Variants in FCMR observed in about 807,000 individuals in gnomAD.
FCMR encodes immunoglobulin mu Fc receptor.
In FCMR, 34 loss-of-function variants were observed where a neutral mutation model predicts 41.6. That is an observed-to-expected ratio of 0.82 (90% CI 0.62 to 1.09). The LOEUF (loss-of-function observed/expected upper bound fraction) is 1.09, where lower values mean the gene tolerates loss of function less well. Among genes scored for constraint, FCMR ranks in the 50% least tolerant of loss-of-function variants. The pLI is 0.00. For missense variants in FCMR, 496 were observed against 512.5 expected, an observed-to-expected ratio of 0.97 and a Z score of 0.31; for synonymous variants, 209 against 211.8, an observed-to-expected ratio of 0.99 and a Z score of 0.12.
At chr1:206,916,825 A>C (rs1014132807) in intron 1 of FCMR, among the ~76,000 whole-genome samples, 1 of 152,208 alleles carries the variant, frequency 6.6e-6, no homozygotes, top group African/African-American at 2.4e-5. Context: ...GTTCTTAGGA[A>C]AGGTGATTAC....
At chr1:206,915,080 CCATT>C (rs1352964142) in intron 1 of FCMR, among the ~76,000 whole-genome samples, 1 of 152,218 alleles carries the variant, frequency 6.6e-6, no homozygotes, top group African/African-American at 2.4e-5. Flanking sequence ...ATCCATCTAG[CCATT>C]CATCCACAGC....
At chr1:206,907,960 A>T (rs1572617739) in intron 7 of FCMR, 1 of 1,444,964 alleles carries the variant, frequency 6.9e-7, no homozygotes, top group East Asian at 2.3e-5. Flanking sequence ...CTACGACAAG[A>T]AAAAGCGGAT....
intron 1 of FCMR, among the ~76,000 whole-genome samples, chr1:206,917,360 A>C (rs1211263493): frequency 6.6e-6 from 1 of 151,940 alleles, no homozygotes; most frequent in Non-Finnish European, 1.5e-5. Flanking sequence ...TTTTTTTTTG[A>C]AGGATGAGAA....
chr1:206,912,963 A>C lies in FCMR; in HGVS notation c.453T>G (p.Pro151=), dbSNP rs1679008799. The change falls in exon 3 of 8, where the codon CCT becomes CCG. Residue 151 remains proline (P), a synonymous_variant. Transcript: ENST00000367091. ...WFHLPYLFQM[P]AYASSSKFVT... Reference sequence around the variant, plus strand: ...CGAATTTGGAAGAACTGGCATATGCAGGCATCTGGAACAAATAGGGCAGAT... The same window carrying C: ...CGAATTTGGAAGAACTGGCATATGCCGGCATCTGGAACAAATAGGGCAGAT... The C allele has an allele frequency of 1.2e-6, 2 of 1,613,574 alleles. No homozygotes were observed. The highest frequency in any genetic ancestry group is 1.7e-6 in the Non-Finnish European group (2 of 1,179,472).
rs779201842 is a variant in FCMR, at chr1:206,905,000, G to C, written c.*19C>G. 1.9e-6 allele frequency: 3 copies of C among 1,613,424 alleles called. No homozygotes were observed. The highest frequency in any genetic ancestry group is 2.5e-6 in the Non-Finnish European group (3 of 1,179,736). On this transcript the variant is annotated 3_prime_UTR_variant, in exon 8 of 8. Transcript: ENST00000367091. ...GCACCACAGTCCGAGCCTGGGGTTG[G>C]GGGATAGCTGGGGAGTTGTCAGGCA...
chr1:206,910,225 C>T lies in FCMR; in HGVS notation c.826G>A (p.Val276Ile). 6.2e-7 allele frequency: 1 copy of T among 1,602,068 alleles called. No individual in the cohort carries two copies. The change falls in exon 5 of 8, where the codon GTT becomes ATT. Residue 276 changes from valine (V) to isoleucine (I), a missense_variant. Val to Ile is a conservative substitution (Grantham distance 29, BLOSUM62 3). Coordinates refer to ENST00000367091, the MANE Select transcript of FCMR (RefSeq NM_005449.5). ...AGCCGCTCACCTTTCCTCCTTTCAACGGCCCTTTTCACCACCAGCCCCAGA... is the reference window on the plus strand; with the variant it reads ...AGCCGCTCACCTTTCCTCCTTTCAATGGCCCTTTTCACCACCAGCCCCAGA... ...ALLGLVVKRAVERRKALSRRA... is the reference protein window; with the variant it reads ...ALLGLVVKRAIERRKALSRRA...
At position 206,905,132 on chromosome 1, in the gene FCMR, A is replaced by T; in HGVS notation, c.1060T>A (p.Trp354Arg). 1 of 1,614,122 alleles carries T rather than the reference A, an allele frequency of 6.2e-7. No individual in the cohort carries two copies. The highest frequency in any genetic ancestry group is 1.1e-5 in the South Asian group (1 of 91,084). ...PAPLQVSESP[W>R]LHAPSLKTSC... Reference sequence around the variant, plus strand: ...GTCTTCAGAGATGGGGCATGGAGCCAGGGAGATTCAGACACCTGGGGACAA... The same window carrying T: ...GTCTTCAGAGATGGGGCATGGAGCCTGGGAGATTCAGACACCTGGGGACAA... The change falls in exon 8 of 8, where the codon TGG (tryptophan) becomes AGG (arginine). Residue 354 changes from tryptophan (W) to arginine (R), a missense_variant. Coordinates refer to ENST00000367091, the MANE Select transcript of FCMR (RefSeq NM_005449.5).
At position 206,910,193 on chromosome 1, in the gene FCMR, G is replaced by C. The variant is rs747574362; in HGVS notation, c.841+17C>G. ...TTTGGGCAGCTCAGCTCTCCCTACC[G>C]AAGCCCAGCCGCTCACCTTTCCTCC... On this transcript the variant is annotated intron_variant, in intron 5 of 7. Coordinates refer to ENST00000367091, the MANE Select transcript of FCMR (RefSeq NM_005449.5). 8 of 1,585,932 alleles carry C rather than the reference G, an allele frequency of 5.0e-6. No homozygotes were observed. Among genetic ancestry groups the C allele is most frequent in the Middle Eastern group, 1.9e-4 (1 of 5,314 alleles).
At chr1:206,905,716 G>A (rs1306987479) in intron 7 of FCMR, among the ~76,000 whole-genome samples, 1 of 152,206 alleles carries the variant, frequency 6.6e-6, no homozygotes, top group Non-Finnish European at 1.5e-5. Flanking sequence ...GACTGTGCCA[G>A]TGACCCCAAC....
chr1:206,921,507 G>A (rs1421180659), intron 1 of FCMR: 8 of 465,396 alleles, frequency 1.7e-5, no homozygotes, highest in African/African-American at 1.2e-4. Flanking sequence ...AGTCTGGGGT[G>A]GTAGGATCAC....
chr1:206,921,770 A>T (rs372208063), intron 1 of FCMR, 48 bp downstream of exon 1: 67 of 1,567,484 alleles, frequency 4.3e-5, no homozygotes, highest in Non-Finnish European at 5.4e-5. Flanking sequence ...ACTTGTGGCC[A>T]ATTCAAGCCT....
intron 1 of FCMR, among the ~76,000 whole-genome samples, chr1:206,914,310 T>TTTCCTTCC (rs139221448): frequency 0.024 from 3,543 of 145,594 alleles, 69 homozygotes; most frequent in Middle Eastern, 0.045. Flanking sequence ...TTTTCTTTTC[T>TTTCCTTCC]TTCCTTCCTT....
intron 1 of FCMR, among the ~76,000 whole-genome samples, chr1:206,914,771 C>T (rs918902443): frequency 6.6e-6 from 1 of 152,124 alleles, no homozygotes; most frequent in African/African-American, 2.4e-5. Flanking sequence ...CTCATCCCAT[C>T]CCCAACCCTA....
At chr1:206,913,708 A>G (rs72758947) in intron 2 of FCMR, 51 bp downstream of exon 2, 179,154 of 1,464,438 alleles carry the variant, frequency 0.12, 11,448 homozygotes, top group East Asian at 0.18. Flanking sequence ...AATCTTCCCA[A>G]GTGAAACATT....
chr1:206,922,018 T>A (rs1679461613), upstream of FCMR: 1 of 649,094 alleles, frequency 1.5e-6, no homozygotes, highest in African/African-American at 1.8e-5. Context: ...CCTTGTTTGC[T>A]AACTATTCTC....
intron 1 of FCMR, among the ~76,000 whole-genome samples, chr1:206,920,420 A>C (rs1426823742): frequency 6.9e-6 from 1 of 145,846 alleles, no homozygotes; most frequent in Non-Finnish European, 1.5e-5. Flanking sequence ...GTGCCACTGC[A>C]CTCCAGTCGG....
In FCMR at chr1:206,909,801, G is replaced by T; in HGVS notation, c.909C>A (p.Arg303=). 7.0e-7 allele frequency: 1 copy of T among 1,437,674 alleles called. No homozygotes were observed. 89.1% of individuals were successfully genotyped at this position (1,437,674 alleles called of 1,614,324 possible). A position where few individuals can be genotyped will look rare whatever the true frequency, so the allele number is the denominator to read the frequency against. Residue 303 remains arginine, a synonymous_variant, in exon 6 of 8, where the codon CGC becomes CGA. Transcript: ENST00000367091. This position sits in a 1 kb window ranked among gnomAD's most constrained non-coding sequence, Gnocchi z 5.0. The stretch of plus-strand genomic sequence containing the variant: ...TTTGGGAGCGCGGTCGCGGCGACCC[G>T]CGGGGCCTCTGGGAGCTCTCCAGGG... ...MRALESSQRP[R]GSPRPRSQNN... is the part of the protein sequence containing the mutation.
At chr1:206,919,273 T>C (rs1679331754) in intron 1 of FCMR, among the ~76,000 whole-genome samples, 1 of 151,750 alleles carries the variant, frequency 6.6e-6, no homozygotes, top group African/African-American at 2.4e-5. Context: ...GGGCCCAGAG[T>C]CATGTGGACA....
chr1:206,907,514 A>C, intron 7 of FCMR: 1 of 438,356 alleles, frequency 2.3e-6, no homozygotes, highest in Non-Finnish European at 4.4e-6. Context: ...GGGAGGGGGA[A>C]GTAGGCTTCC....
Sources: gnomAD v4.1 joint callset for allele counts (sites outside exome capture counted in the v4.1 genomes callset) on GRCh38, gnomAD v4.1.1 for gene constraint, Gnocchi (gnomAD v3.1) non-coding constraint, MANE v1.5 for transcripts, NCBI Gene and HGNC (gene_info 2026-07-23, HGNC 2026-07-21) for gene names.